The following TRPM4 variants were observed in gnomAD, a reference collection of about 807,000 sequenced individuals.
TRPM4 encodes the protein transient receptor potential cation channel subfamily M member 4.
In TRPM4, 124 loss-of-function variants were observed where a neutral mutation model predicts 135.6. The observed-to-expected ratio is 0.91, with a 90% CI of 0.79 to 1.06. TRPM4 has a LOEUF of 1.06. TRPM4 is among the 50% of genes least tolerant of loss of function. The pLI is 0.00. For synonymous variants in TRPM4, 745 were observed against 705.6 expected (o/e 1.06, Z -0.88); for missense variants, 1,658 against 1,671.4 (o/e 0.99, Z 0.14).
intron 12 of TRPM4, among the ~76,000 whole-genome samples, chr19:49,186,681 G>T (rs1380453977): frequency 6.6e-6 from 1 of 152,014 alleles, no homozygotes; most frequent in Non-Finnish European, 1.5e-5. Flanking sequence ...AGACCAGCCT[G>T]ACCAACATGG....
chr19:49,184,369 A>G (rs569298231), intron 12 of TRPM4, among the ~76,000 whole-genome samples: 7 of 147,364 alleles, frequency 4.8e-5, no homozygotes, highest in African/African-American at 1.5e-4. Flanking sequence ...TCTACTGTTG[A>G]GTCCCTCTAG....
chr19:49,165,998 C>T, intron 2 of TRPM4, 43 bp from the exon 3 acceptor site: 2 of 1,550,628 alleles, frequency 1.3e-6, no homozygotes, highest in Non-Finnish European at 8.7e-7. Flanking sequence ...GTGCTGGGGT[C>T]GGGGGGCAGC....
chr19:49,192,380 T>C (rs919478412), intron 16 of TRPM4, among the ~76,000 whole-genome samples: 1 of 152,152 alleles, frequency 6.6e-6, no homozygotes, highest in African/African-American at 2.4e-5. Context: ...CCTGACTTTG[T>C]GATCTGTCCT....
intron 9 of TRPM4, 50 bp downstream of exon 9, chr19:49,172,158 C>T (rs758494361): frequency 1.4e-6 from 2 of 1,412,014 alleles, no homozygotes; most frequent in African/African-American, 2.8e-5. Context: ...CAACCTTAGA[C>T]ACCTTTCCTG....
intron 11 of TRPM4, 26 bp downstream of exon 11, chr19:49,182,948 C>G (rs775148186): frequency 6.4e-6 from 10 of 1,570,430 alleles, no homozygotes; most frequent in East Asian, 2.3e-5. Context: ...AGCTGGGGGG[C>G]CCCCCCGCGC....
chr19:49,196,862 G>A lies in TRPM4; in HGVS notation c.2633G>A (p.Gly878Asp). The change falls in exon 17 of 25, where the codon GGC becomes GAC. Residue 878 changes from glycine to aspartate, a missense_variant. By Grantham distance (94) the Gly-to-Asp change is moderately conservative (BLOSUM62 -1). This residue lies in a region of TRPM4 where 1,412 missense variants were observed against 1,408.7 expected (regional missense o/e 1.00). Transcript: ENST00000252826. ...GTGGCTCTCACCTGCTTCCTCCTGG[G>A]CGTGGGCTGCCGGTGAGTGCCCCGG... ...DLVALTCFLL[G>D]VGCRLTPGLY... The A allele has an allele frequency of 1.3e-6, 2 of 1,582,462 alleles. No individual in the cohort carries two copies. The highest frequency in any genetic ancestry group is 1.1e-5 in the South Asian group (1 of 87,960).
intron 2 of TRPM4, among the ~76,000 whole-genome samples, chr19:49,164,318 T>C (rs1293621250): frequency 3.4e-5 from 4 of 117,052 alleles, no homozygotes; most frequent in Admixed American, 9.5e-5. Context: ...TTCCTTTCCT[T>C]CCTCCCTCTC....
Position 49,171,729 on chromosome 19 carries a change from G to A in TRPM4, c.1010G>A (p.Arg337His), listed in dbSNP as rs138718906. The change falls in exon 8 of 25, where the codon CGT (arginine) becomes CAT (histidine). Residue 337 changes from arginine (R) to histidine (H), a missense_variant. By Grantham distance (29) the Arg-to-His change is conservative. Around this residue, in one of 3 missense-constraint regions of TRPM4, gnomAD observed 1,412 missense variants for 1,408.7 expected, o/e 1.00. Transcript: ENST00000252826. This position sits in a 1 kb window ranked among gnomAD's most constrained non-coding sequence, Gnocchi z 4.7. ...RQGEARDRIRRFFPKGDLEVL... is the reference protein window; with the variant it reads ...RQGEARDRIRHFFPKGDLEVL... ...GGCGAAGCCCGAGATCGAATCAGGCGTTTCTTTCCCAAAGGGGACCTTGAG... is the reference window on the plus strand; with the variant it reads ...GGCGAAGCCCGAGATCGAATCAGGCATTTCTTTCCCAAAGGGGACCTTGAG... 81 of 1,612,836 alleles carry A rather than the reference G, an allele frequency of 5.0e-5. No individual in the cohort carries two copies. Among genetic ancestry groups the A allele is most frequent in the African/African-American group, 6.7e-5 (5 of 74,994 alleles).
Position 49,211,372 on chromosome 19 carries a change from G to A in TRPM4, c.3640+103G>A. The A allele has an allele frequency of 1.9e-6, 3 of 1,581,542 alleles. No homozygotes were observed. The Admixed American group carries it at 5.0e-5, about 26-fold the overall frequency. Reference sequence around the variant, plus strand: ...TCCAGTGTCCCTGGGTCACTCTCTTGGTCTCCTTTGAGCCTTTTGTACTCT... The same window carrying A: ...TCCAGTGTCCCTGGGTCACTCTCTTAGTCTCCTTTGAGCCTTTTGTACTCT... On this transcript the variant is annotated intron_variant, in intron 24 of 24. Coordinates refer to ENST00000252826, the MANE Select transcript of TRPM4 (RefSeq NM_017636.4). This position sits in a 1 kb window ranked among gnomAD's most constrained non-coding sequence, Gnocchi z 4.8.
chr19:49,157,835 G>A lies in TRPM4; in HGVS notation c.-32G>A, dbSNP rs1334320141. 6.5e-7 allele frequency: 1 copy of A among 1,534,304 alleles called. No homozygotes were observed. The highest frequency in any genetic ancestry group is 8.7e-7 in the Non-Finnish European group (1 of 1,146,072). ...CCGGCGGAGGGAGCGCCGGGGCCCT[G>A]GGCTGCAGGAGGTTGCGGCGGCCGC... is the stretch of plus-strand genomic sequence containing the variant. On this transcript the variant is annotated 5_prime_UTR_variant, in exon 1 of 25. Coordinates refer to ENST00000252826, the MANE Select transcript of TRPM4 (RefSeq NM_017636.4).
intron 2 of TRPM4, among the ~76,000 whole-genome samples, chr19:49,163,949 G>A (rs1034821756): frequency 1.3e-5 from 2 of 152,244 alleles, no homozygotes; most frequent in Non-Finnish European, 2.9e-5. Flanking sequence ...GAATGAAGAA[G>A]ACACTTTATT....
intron 2 of TRPM4, 134 bp downstream of exon 2, chr19:49,158,393 C>A: frequency 1.2e-6 from 1 of 826,160 alleles, no homozygotes; most frequent in Non-Finnish European, 2.1e-6. Flanking sequence ...TCCTTGCCGA[C>A]GCTCTCCCTC....
chr19:49,172,151 C>A (rs1051705241), intron 9 of TRPM4, 43 bp downstream of exon 9: 3 of 1,440,528 alleles, frequency 2.1e-6, no homozygotes, highest in Non-Finnish European at 2.9e-6. Flanking sequence ...CTCAGTTCAA[C>A]CTTAGACACC....
At position 49,211,182 on chromosome 19, in the gene TRPM4, G is replaced by C; in HGVS notation, c.3553G>C (p.Val1185Leu). 6.2e-7 allele frequency: 1 copy of C among 1,604,700 alleles called. No homozygotes were observed. The highest frequency in any genetic ancestry group is 1.7e-5 in the Admixed American group (1 of 57,958). Residue 1185 changes from valine to leucine, a missense_variant, in exon 24 of 25, where the codon GTC (valine) becomes CTC (leucine). By Grantham distance (32) the Val-to-Leu change is conservative. Transcript: ENST00000252826. This position sits in a 1 kb window ranked among gnomAD's most constrained non-coding sequence, Gnocchi z 4.8. ...LEREVQQCSR[V>L]LGWVAEALSR... ...TCCGCAGGTCCAGCAGTGTAGCCGC[G>C]TCCTGGGGTGGGTGGCCGAGGCCCT...
chr19:49,174,461 G>A (rs1205472866), intron 9 of TRPM4, among the ~76,000 whole-genome samples: 1 of 151,566 alleles, frequency 6.6e-6, no homozygotes, highest in African/African-American at 2.4e-5. Context: ...AGAGAAGTTG[G>A]CATTTAAACC....
At chr19:49,201,843 G>C (rs1040918831) in intron 19 of TRPM4, 121 bp from the exon 20 acceptor site, 10 of 1,006,284 alleles carry the variant, frequency 9.9e-6, no homozygotes, top group Non-Finnish European at 1.6e-5. Flanking sequence ...CAGGTGATCC[G>C]GCCATCTCAG....
intron 20 of TRPM4, among the ~76,000 whole-genome samples, chr19:49,205,219 T>C (rs1361495418): frequency 2.0e-5 from 3 of 152,078 alleles, no homozygotes; most frequent in Non-Finnish European, 4.4e-5. Context: ...AGGTCCAAAA[T>C]CAAGGCATCC....
intron 16 of TRPM4, among the ~76,000 whole-genome samples, chr19:49,193,841 TCTCCTCCTTCTC>T (rs1157059926): frequency 6.6e-5 from 10 of 151,912 alleles, no homozygotes; most frequent in African/African-American, 1.5e-4. Flanking sequence ...CTTTCACTAT[TCTCCTCCTTCTC>T]CTCCTCCTTC....
chr19:49,173,283 C>T (rs894397767), intron 9 of TRPM4, among the ~76,000 whole-genome samples: 10 of 151,930 alleles, frequency 6.6e-5, no homozygotes, highest in Admixed American at 3.9e-4. Context: ...CACACATCCA[C>T]TGACAATTCC....
Sources: gnomAD v4.1 joint callset for allele counts (sites outside exome capture counted in the v4.1 genomes callset) on GRCh38, gnomAD v4.1.1 for gene constraint, gnomAD v4.1.1 regional missense constraint, Gnocchi (gnomAD v3.1) non-coding constraint, MANE v1.5 for transcripts, NCBI Gene and HGNC (gene_info 2026-07-23, HGNC 2026-07-21) for gene names.